The following ARHGAP24 variants were observed in gnomAD, a reference collection of about 807,000 sequenced individuals.
ARHGAP24 encodes Rho GTPase activating protein 24.
A neutral mutation model predicts 76.4 loss-of-function variants in ARHGAP24; 50 were observed. The ratio of observed to expected loss-of-function variants is 0.65; its 90% CI spans 0.52 to 0.83. The LOEUF (loss-of-function observed/expected upper bound fraction) is 0.83, where lower values mean the gene tolerates loss of function less well. Among genes scored for constraint, ARHGAP24 ranks in the 40% least tolerant of loss-of-function variants. ARHGAP24 has a pLI of 0.00. For missense variants in ARHGAP24, 930 were observed against 914.2 expected (o/e 1.02, Z -0.22); for synonymous variants, 345 against 323.3 (o/e 1.07, Z -0.72).
chr4:85,599,204 A>G (rs1719950923), intron 2 of ARHGAP24, among the ~76,000 whole-genome samples: 1 of 152,050 alleles, frequency 6.6e-6, no homozygotes, highest in Non-Finnish European at 1.5e-5. Flanking sequence ...CTGTGGAGAG[A>G]TGTTTAGAAG....
chr4:85,625,152 A>C (rs1360253205), intron 2 of ARHGAP24, among the ~76,000 whole-genome samples: 2 of 151,816 alleles, frequency 1.3e-5, no homozygotes, highest in African/African-American at 4.8e-5. Flanking sequence ...TAGTTCTTTT[A>C]ATTGTGATGT....
chr4:85,862,704 C>A (rs891375310), intron 3 of ARHGAP24, among the ~76,000 whole-genome samples: 5 of 152,134 alleles, frequency 3.3e-5, no homozygotes, highest in African/African-American at 1.2e-4. Flanking sequence ...ACTCTATGTG[C>A]ACTCGCACTA....
intron 3 of ARHGAP24, among the ~76,000 whole-genome samples, chr4:85,871,913 T>A (rs939524432): frequency 2.0e-5 from 3 of 152,092 alleles, no homozygotes; most frequent in Non-Finnish European, 4.4e-5. Flanking sequence ...TATGCTAAGA[T>A]AAGGATAAGA....
chr4:85,654,861 T>C (rs1245783672), intron 2 of ARHGAP24, among the ~76,000 whole-genome samples: 2 of 152,204 alleles, frequency 1.3e-5, no homozygotes, highest in Non-Finnish European at 2.9e-5. Flanking sequence ...GTACTTTGTA[T>C]GCTTCTTAGA....
At chr4:85,709,399 G>GT (rs1724438393) in intron 2 of ARHGAP24, among the ~76,000 whole-genome samples, 1 of 151,998 alleles carries the variant, frequency 6.6e-6, no homozygotes, top group East Asian at 1.9e-4. Flanking sequence ...ATAATAAAAT[G>GT]TAACACCCAT....
intron 3 of ARHGAP24, among the ~76,000 whole-genome samples, chr4:85,837,646 G>A (rs1206098300): frequency 2.0e-5 from 3 of 152,142 alleles, no homozygotes; most frequent in African/African-American, 7.2e-5. Flanking sequence ...TTCTCATGGG[G>A]GTGGGGACTT....
At chr4:85,513,478 A>G (rs1220598624) in intron 1 of ARHGAP24, among the ~76,000 whole-genome samples, 1 of 152,066 alleles carries the variant, frequency 6.6e-6, no homozygotes, top group Non-Finnish European at 1.5e-5. Flanking sequence ...CTAGGAAGAA[A>G]TATTTTCTTT....
At chr4:85,937,043 C>T (rs941909410) in intron 4 of ARHGAP24, among the ~76,000 whole-genome samples, 1 of 152,148 alleles carries the variant, frequency 6.6e-6, no homozygotes, top group African/African-American at 2.4e-5. Flanking sequence ...GTTGCAAAGA[C>T]AAGCCAGTGG....
At chr4:85,986,930 CCAGTGGGAGCT>C (rs1411797263) in intron 8 of ARHGAP24, among the ~76,000 whole-genome samples, 1 of 151,852 alleles carries the variant, frequency 6.6e-6, no homozygotes, top group Non-Finnish European at 1.5e-5. Context: ...TTTAAATGAT[CCAGTGGGAGCT>C]CAGGGAGGAA....
rs773603867 is a variant in ARHGAP24 at position 85,870,847 on chromosome 4, C to T, written c.269-52801C>T. The stretch of plus-strand genomic sequence containing the variant: ...GGGATAGGCAAGGAAAGAATAATAC[C>T]TCCTTTGTTTTACAAGTGGCAGTGT... On this transcript the variant is annotated intron_variant, in intron 3 of 9. Coordinates refer to ENST00000395184, the MANE Select transcript of ARHGAP24 (RefSeq NM_001025616.3). 3.0e-4 allele frequency among the ~76,000 whole-genome samples: 46 copies of T among 151,990 alleles called. 1 individual carries two copies. The highest frequency in any genetic ancestry group is 1.0e-4 in the Non-Finnish European group (7 of 67,994).
Position 85,994,887 on chromosome 4 carries a change from T to C in ARHGAP24, c.1233T>C (p.Asp411=), listed in dbSNP as rs1342454983. 4.3e-6 allele frequency: 7 copies of C among 1,614,130 alleles called. No homozygotes were observed. Among genetic ancestry groups the C allele is most frequent in the Non-Finnish European group, 5.9e-6 (7 of 1,180,028 alleles). ...CAAAGAACAGTGTTCACAAGCTAGA[T>C]GTGTCTAGAAGCCCCCCTCTCATGG... ...NSPKNSVHKL[D]VSRSPPLMVK... is the part of the protein sequence containing the mutation. Residue 411 remains aspartate (D), a synonymous_variant, in exon 9 of 10, where the codon GAT becomes GAC. Coordinates refer to ENST00000395184, the MANE Select transcript of ARHGAP24 (RefSeq NM_001025616.3).
intron 5 of ARHGAP24, among the ~76,000 whole-genome samples, chr4:85,946,133 A>T (rs1177993515): frequency 1.3e-5 from 2 of 152,170 alleles, no homozygotes; most frequent in Admixed American, 1.3e-4. Flanking sequence ...CTATCATGAG[A>T]ACAGCATGAG....
rs552493145 is a variant in ARHGAP24, at chr4:85,659,731, T to G, written c.181-62154T>G. Among the ~76,000 whole-genome samples, 14 of 152,358 alleles carry G rather than the reference T, an allele frequency of 9.2e-5. No individual in the cohort carries two copies. The East Asian group carries it at 2.7e-3, about 29-fold the overall frequency. On this transcript the variant is annotated intron_variant, in intron 2 of 9. Coordinates refer to ENST00000395184, the MANE Select transcript of ARHGAP24 (RefSeq NM_001025616.3). Reference sequence around the variant, plus strand: ...TAGTTCTTTCATCTCCTCAGTCTGCTTTTTGTGAAGAGGACTTTTTCAGGG... The same window carrying G: ...TAGTTCTTTCATCTCCTCAGTCTGCGTTTTGTGAAGAGGACTTTTTCAGGG...
chr4:85,777,020 A>T (rs986391538), intron 3 of ARHGAP24, among the ~76,000 whole-genome samples: 11 of 152,200 alleles, frequency 7.2e-5, no homozygotes, highest in Admixed American at 5.2e-4. Context: ...ATAGGGCTCA[A>T]ACAGACATAA....
In ARHGAP24 at chr4:85,982,926, C is replaced by G. The variant is rs768688891; in HGVS notation, c.928+5235C>G. On this transcript the variant is annotated intron_variant, in intron 8 of 9. Coordinates refer to ENST00000395184, the MANE Select transcript of ARHGAP24 (RefSeq NM_001025616.3). Reference sequence around the variant, plus strand: ...ATTTCCTGATGTTTTCCCTTCCCCCCCTTCTCCCAACAAACACCAGTGTGT... The same window carrying G: ...ATTTCCTGATGTTTTCCCTTCCCCCGCTTCTCCCAACAAACACCAGTGTGT... Among the ~76,000 whole-genome samples, 16 of 152,232 alleles carry G rather than the reference C, an allele frequency of 1.1e-4. 1 individual carries two copies. The Middle Eastern group carries it at 0.024, about 227-fold the overall frequency.
chr4:85,977,480 CT>C, intron 7 of ARHGAP24, 89 bp from the exon 8 acceptor site: 1 of 1,433,644 alleles, frequency 7.0e-7, no homozygotes, highest in Non-Finnish European at 9.6e-7. Context: ...TTGAACATAA[CT>C]TTAGTTTGTA....
intron 3 of ARHGAP24, among the ~76,000 whole-genome samples, chr4:85,730,635 C>T (rs1240765591): frequency 6.6e-6 from 1 of 152,088 alleles, no homozygotes; most frequent in South Asian, 2.1e-4. Context: ...TCTCAAATCC[C>T]TGAGTACAAG....
chr4:85,790,358 G>C (rs1728061740), intron 3 of ARHGAP24, among the ~76,000 whole-genome samples: 1 of 152,070 alleles, frequency 6.6e-6, no homozygotes, highest in African/African-American at 2.4e-5. Context: ...CCAAAACATT[G>C]AGAATTTTAG....
chr4:85,706,810 C>T (rs964078100), intron 2 of ARHGAP24, among the ~76,000 whole-genome samples: 11 of 151,626 alleles, frequency 7.3e-5, no homozygotes, highest in Non-Finnish European at 1.6e-4. Flanking sequence ...GTGATCCGCC[C>T]GCCTCGGCCT....
Sources: allele counts gnomAD v4.1 joint callset (sites outside exome capture counted in the v4.1 genomes callset), GRCh38; gene constraint gnomAD v4.1.1; transcripts MANE v1.5; gene names NCBI Gene and HGNC (gene_info 2026-07-23, HGNC 2026-07-21).